The following CDKL4 variants were observed in gnomAD, a reference collection of about 807,000 sequenced individuals.
CDKL4 encodes the protein cyclin dependent kinase like 4, also known as cyclin-dependent kinase-like 4.
CDKL4 carries 44 observed loss-of-function variants against 42.0 expected under a neutral mutation model. The ratio of observed to expected loss-of-function variants is 1.05; its 90% CI spans 0.82 to 1.35. CDKL4 has a LOEUF of 1.35. CDKL4 is among the 40% of genes most tolerant of loss of function. The pLI is 0.00. For missense variants in CDKL4, 393 were observed against 369.9 expected, an observed-to-expected ratio of 1.06 and a Z score of -0.51; for synonymous variants, 120 against 121.6, an observed-to-expected ratio of 0.99 and a Z score of 0.09.
At chr2:39,243,947 C>A (rs1679795296) in exon 1 of CDKL4, among the ~76,000 whole-genome samples, 1 of 152,308 alleles carries the variant, frequency 6.6e-6, no homozygotes, top group Admixed American at 6.5e-5. Flanking sequence ...GCGTGTCGCT[C>A]GGAGGAGGCG....
intron 4 of CDKL4, among the ~76,000 whole-genome samples, chr2:39,206,511 GC>G (rs1677201130): frequency 6.6e-6 from 1 of 152,230 alleles, no homozygotes. Flanking sequence ...GGCTGAGTAA[GC>G]CCGCGCGCAC....
chr2:39,190,139 T>A (rs115011485), intron 6 of CDKL4, among the ~76,000 whole-genome samples, 166 bp downstream of exon 6: 1 of 152,204 alleles, frequency 6.6e-6, no homozygotes, highest in Admixed American at 6.5e-5. Flanking sequence ...TAGAAAAGGA[T>A]TGGGCTTTGG....
chr2:39,230,387 G>A (rs1679026390), intron 1 of CDKL4, among the ~76,000 whole-genome samples: 1 of 152,162 alleles, frequency 6.6e-6, no homozygotes, highest in South Asian at 2.1e-4. Flanking sequence ...GGTATTTATT[G>A]CTCCTAGCTT....
chr2:39,215,837 C>A (rs2148358902), intron 3 of CDKL4, among the ~76,000 whole-genome samples: 1 of 152,312 alleles, frequency 6.6e-6, no homozygotes, highest in East Asian at 1.9e-4. Flanking sequence ...AGTGGCAACC[C>A]TTGACCCCAG....
intron 1 of CDKL4, among the ~76,000 whole-genome samples, chr2:39,230,566 C>T (rs777784990): frequency 2.6e-4 from 39 of 151,764 alleles, no homozygotes; most frequent in Non-Finnish European, 4.3e-4. Flanking sequence ...TTTTGGTGAC[C>T]GAATTAAATA....
At chr2:39,201,063 A>G (rs1452065791) in intron 5 of CDKL4, among the ~76,000 whole-genome samples, 2 of 152,222 alleles carry the variant, frequency 1.3e-5, no homozygotes, top group African/African-American at 4.8e-5. Context: ...TTCACAATCT[A>G]TACATCCAAC....
chr2:39,237,417 C>T (rs1397600767), intron 1 of CDKL4, among the ~76,000 whole-genome samples: 4 of 152,154 alleles, frequency 2.6e-5, no homozygotes, highest in Non-Finnish European at 4.4e-5. Flanking sequence ...CAGTTAACAT[C>T]ATGCTTAATG....
exon 1 of CDKL4, among the ~76,000 whole-genome samples, chr2:39,243,926 C>T (rs577628264): frequency 6.6e-6 from 1 of 152,378 alleles, no homozygotes; most frequent in East Asian, 1.9e-4. Flanking sequence ...AGCCCCAGCC[C>T]CAGCTCCCGC....
chr2:39,173,524 CT>C (rs747840279), downstream of CDKL4, among the ~76,000 whole-genome samples: 14 of 151,870 alleles, frequency 9.2e-5, no homozygotes, highest in Non-Finnish European at 1.3e-4. Flanking sequence ...AAAAAATTAG[CT>C]GGAGCCGGGC....
chr2:39,199,747 T>C (rs533510018), intron 5 of CDKL4, among the ~76,000 whole-genome samples: 7 of 152,232 alleles, frequency 4.6e-5, no homozygotes, highest in African/African-American at 1.4e-4. Flanking sequence ...CACAAGGTCA[T>C]CTCAATAGAT....
At chr2:39,228,237 A>G (rs989963902) in intron 2 of CDKL4, among the ~76,000 whole-genome samples, 2 of 152,204 alleles carry the variant, frequency 1.3e-5, no homozygotes, top group Non-Finnish European at 2.9e-5. Flanking sequence ...CCTGCAGCTT[A>G]GCTCAGTGAG....
At chr2:39,223,279 G>C (rs2148377341) in intron 3 of CDKL4, among the ~76,000 whole-genome samples, 1 of 151,982 alleles carries the variant, frequency 6.6e-6, no homozygotes, top group Admixed American at 6.6e-5. Flanking sequence ...TATAACTTTT[G>C]CCCTCATCTG....
intron 1 of CDKL4, among the ~76,000 whole-genome samples, chr2:39,243,393 A>G (rs1573043028): frequency 6.6e-6 from 1 of 152,358 alleles, no homozygotes. Flanking sequence ...TGACAATACA[A>G]TCAGACTAAT....
chr2:39,212,565 C>G (rs141199162), intron 4 of CDKL4, among the ~76,000 whole-genome samples: 2 of 151,628 alleles, frequency 1.3e-5, no homozygotes, highest in East Asian at 3.9e-4. Flanking sequence ...AGGAAAGGGG[C>G]ACTTAGATTG....
At chr2:39,213,959 C>T (rs896068978) in intron 3 of CDKL4, among the ~76,000 whole-genome samples, 5 of 151,800 alleles carry the variant, frequency 3.3e-5, no homozygotes, top group Non-Finnish European at 5.9e-5. Context: ...GCTCTGTCAC[C>T]CAGGCTGGAG....
At chr2:39,198,260 T>TAAAA (rs55994878) in intron 5 of CDKL4, among the ~76,000 whole-genome samples, 37 of 146,614 alleles carry the variant, frequency 2.5e-4, no homozygotes, top group African/African-American at 4.2e-4. Flanking sequence ...TATATAATGA[T>TAAAA]AAAAAAAAAA....
At chr2:39,234,117 G>T (rs962417913) in intron 1 of CDKL4, among the ~76,000 whole-genome samples, 4 of 151,862 alleles carry the variant, frequency 2.6e-5, no homozygotes, top group Non-Finnish European at 4.4e-5. Flanking sequence ...GTTTCACTGT[G>T]TTAGCCAGGA....
intron 5 of CDKL4, among the ~76,000 whole-genome samples, chr2:39,196,517 C>G (rs941560128): frequency 1.3e-5 from 2 of 152,212 alleles, no homozygotes; most frequent in Non-Finnish European, 2.9e-5. Flanking sequence ...AGAATCTGAA[C>G]AGCAGCCCTC....
downstream of CDKL4, among the ~76,000 whole-genome samples, chr2:39,173,727 G>A (rs555546777): frequency 1.2e-3 from 184 of 151,370 alleles, no homozygotes; most frequent in African/African-American, 4.2e-3. Context: ...GGAGAATGGC[G>A]TGAACCCGGG....
Sources: gnomAD v4.1 joint callset for allele counts (sites outside exome capture counted in the v4.1 genomes callset) on GRCh38, gnomAD v4.1.1 for gene constraint, MANE v1.5 for transcripts, NCBI Gene and HGNC (gene_info 2026-07-23, HGNC 2026-07-21) for gene names.